The following BNC2 variants were observed in gnomAD, a reference collection of about 807,000 sequenced individuals.
BNC2 encodes the protein basonuclin zinc finger protein 2.
BNC2 carries 20 observed loss-of-function variants against 76.3 expected under a neutral mutation model. The ratio of observed to expected loss-of-function variants is 0.26; its 90% CI spans 0.18 to 0.38. The LOEUF (loss-of-function observed/expected upper bound fraction) is 0.38, where lower values mean the gene tolerates loss of function less well. Among genes scored for constraint, BNC2 ranks in the 10% least tolerant of loss-of-function variants. BNC2 has a pLI of 1.00. For synonymous variants in BNC2, 582 were observed against 514.8 expected (o/e 1.13, Z -1.77); for missense variants, 1,382 against 1,399.8 (o/e 0.99, Z 0.20).
chr9:16,801,039 A>T (rs1162825321), intron 1 of BNC2, among the ~76,000 whole-genome samples: 1 of 152,198 alleles, frequency 6.6e-6, no homozygotes, highest in Admixed American at 6.5e-5. Context: ...AGATGAAAAA[A>T]GAACCCAAAA....
chr9:16,469,720 C>G (rs1340029930), intron 5 of BNC2, among the ~76,000 whole-genome samples: 1 of 152,106 alleles, frequency 6.6e-6, no homozygotes, highest in Non-Finnish European at 1.5e-5. Context: ...TTGGAACTTC[C>G]TAGAGATGTG....
In BNC2 at chr9:16,419,038, C is replaced by T; in HGVS notation, c.3251G>A (p.Ser1084Asn). The part of the protein sequence containing the change: ...FSSVRSRNRH[S>N]QNPNLHKNIP... ...GTTTTTGTGGAGATTAGGGTTCTGA[C>T]TGTGCCGATTTCGGCTTCGTACAGA... Residue 1084 changes from serine (S) to asparagine (N), a missense_variant, in exon 7 of 7, where the codon AGT (serine) becomes AAT (asparagine). Physicochemically the swap from Ser to Asn is conservative, Grantham distance 46 (BLOSUM62 1). This residue lies in a region of BNC2 where 798 missense variants were observed against 775.5 expected (regional missense o/e 1.03). Transcript: ENST00000380672. The T allele has an allele frequency of 6.2e-7, 1 of 1,614,186 alleles. No individual in the cohort carries two copies. The highest frequency in any genetic ancestry group is 8.5e-7 in the Non-Finnish European group (1 of 1,180,050).
chr9:16,850,459 T>A (rs1168026848), intron 1 of BNC2, among the ~76,000 whole-genome samples: 1 of 152,258 alleles, frequency 6.6e-6, no homozygotes, highest in African/African-American at 2.4e-5. Flanking sequence ...CTTAAGACAC[T>A]GTACTTCTTC....
chr9:16,591,890 G>A (rs1819939701), intron 3 of BNC2, among the ~76,000 whole-genome samples: 1 of 152,020 alleles, frequency 6.6e-6, no homozygotes, highest in Non-Finnish European at 1.5e-5. Flanking sequence ...TGAAGAAATA[G>A]CAAGCTGGTA....
chr9:16,736,978 G>C (rs1447334194), intron 2 of BNC2, among the ~76,000 whole-genome samples: 1 of 149,400 alleles, frequency 6.7e-6, no homozygotes. Context: ...GGCTAATTTT[G>C]TATTTTTAGT....
In BNC2 at chr9:16,585,865, C is replaced by T. The variant is rs1311579979; in HGVS notation, c.331-2780G>A. Among the ~76,000 whole-genome samples, 5 of 152,166 alleles carry T rather than the reference C, an allele frequency of 3.3e-5. No individual in the cohort carries two copies. The East Asian group carries it at 5.9e-4, about 18-fold the overall frequency. On this transcript the variant is annotated intron_variant, in intron 3 of 6. Transcript: ENST00000380672. ...AGCTCATGTCTGAGTGCCTCCAACCCTCTTCTGGGCACTCGGGACAAGACC... is the reference window on the plus strand; with the variant it reads ...AGCTCATGTCTGAGTGCCTCCAACCTTCTTCTGGGCACTCGGGACAAGACC...
chr9:16,413,888 C>T lies in BNC2; in HGVS notation c.*5101G>A, dbSNP rs969131977. On this transcript the variant is annotated 3_prime_UTR_variant, in exon 7 of 7. Coordinates refer to ENST00000380672, the MANE Select transcript of BNC2 (RefSeq NM_017637.6). The stretch of plus-strand genomic sequence containing the variant: ...CAATCATGGCTTTGTTGTGTTGCTA[C>T]AGTGGCAAGCATGAGTAATGATCAA... 1 of 152,120 alleles carries T rather than the reference C, an allele frequency of 6.6e-6. No homozygotes were observed. The highest frequency in any genetic ancestry group is 1.5e-5 in the Non-Finnish European group (1 of 68,020). The allele number at this position is 152,120 out of a possible 1,614,324, so 9.4% of individuals were successfully genotyped here.
At chr9:16,665,010 T>A (rs1173325827) in intron 3 of BNC2, 9 of 455,470 alleles carry the variant, frequency 2.0e-5, no homozygotes, top group Non-Finnish European at 3.1e-5. Context: ...GCCTTAGATA[T>A]CACAGCAACT....
At chr9:16,854,949 C>T (rs182305164) in intron 1 of BNC2, among the ~76,000 whole-genome samples, 20 of 151,936 alleles carry the variant, frequency 1.3e-4, no homozygotes, top group Admixed American at 1.2e-3. Flanking sequence ...ACCCTCAGGC[C>T]CCCATCCCAC....
chr9:16,457,924 G>T (rs1012030344), intron 5 of BNC2, among the ~76,000 whole-genome samples: 7 of 152,114 alleles, frequency 4.6e-5, no homozygotes, highest in African/African-American at 1.7e-4. Context: ...CATCCCCACT[G>T]CCATCCAACA....
intron 1 of BNC2, among the ~76,000 whole-genome samples, chr9:16,776,878 C>A (rs1048208965): frequency 6.6e-6 from 1 of 152,096 alleles, no homozygotes; most frequent in Non-Finnish European, 1.5e-5. Flanking sequence ...GTAATCCCAG[C>A]ACTTTGGGAG....
chr9:16,608,478 CA>C (rs1253623038), intron 3 of BNC2, among the ~76,000 whole-genome samples: 2 of 151,966 alleles, frequency 1.3e-5, no homozygotes, highest in Non-Finnish European at 2.9e-5. Flanking sequence ...AATTCTTAGA[CA>C]AAATAAGCAT....
chr9:16,468,691 T>C (rs1289307934), intron 5 of BNC2, among the ~76,000 whole-genome samples: 1 of 152,090 alleles, frequency 6.6e-6, no homozygotes, highest in African/African-American at 2.4e-5. Context: ...ACACCCGGAC[T>C]ATATGCAGTA....
intron 3 of BNC2, chr9:16,727,552 C>T: frequency 1.9e-6 from 1 of 515,458 alleles, no homozygotes; most frequent in South Asian, 2.7e-5. Flanking sequence ...AACTTTTCAA[C>T]AATGTCTCTG....
At position 16,567,442 on chromosome 9, in the gene BNC2, C is replaced by T. The variant is rs533062547; in HGVS notation, c.434-14677G>A. Among the ~76,000 whole-genome samples the T allele has an allele frequency of 3.9e-5, 6 of 152,182 alleles. No homozygotes were observed. In the East Asian group the frequency reaches 9.6e-4, roughly 24 times the overall value. ...GGTGAGGGGTAGTTATAAAAGAACA[C>T]ATCTATCACATGAAATGCGAATAAC... On this transcript the variant is annotated intron_variant, in intron 4 of 6. Transcript: ENST00000380672.
intron 3 of BNC2, among the ~76,000 whole-genome samples, chr9:16,584,968 TA>T (rs569362509): frequency 1.3e-5 from 2 of 151,938 alleles, no homozygotes; most frequent in African/African-American, 2.4e-5. Flanking sequence ...ATAAATGCTT[TA>T]AAAAAAATAG....
chr9:16,765,742 T>G (rs1044696220), intron 1 of BNC2, among the ~76,000 whole-genome samples: 1 of 151,694 alleles, frequency 6.6e-6, no homozygotes, highest in Admixed American at 6.6e-5. Context: ...GTATGTGAAG[T>G]CAAAAAACTT....
chr9:16,739,022 G>A, intron 1 of BNC2, among the ~76,000 whole-genome samples: 1 of 150,550 alleles, frequency 6.6e-6, no homozygotes, highest in Non-Finnish European at 1.5e-5. Context: ...CTTCCAGCCA[G>A]TATGGTTTAG....
chr9:16,763,788 C>T (rs917080212), intron 1 of BNC2, among the ~76,000 whole-genome samples: 9 of 152,228 alleles, frequency 5.9e-5, no homozygotes, highest in African/African-American at 2.2e-4. Context: ...TAAAAATGAA[C>T]ACAACACACC....
Sources: gnomAD v4.1 joint callset for allele counts (sites outside exome capture counted in the v4.1 genomes callset) on GRCh38, gnomAD v4.1.1 for gene constraint, gnomAD v4.1.1 regional missense constraint, MANE v1.5 for transcripts, NCBI Gene and HGNC (gene_info 2026-07-23, HGNC 2026-07-21) for gene names.